The following SIRPB1 variants were observed in gnomAD, a reference collection of about 807,000 sequenced individuals.
SIRPB1 encodes signal regulatory protein beta 1, also known as signal-regulatory protein beta-1.
SIRPB1 carries 28 observed loss-of-function variants against 34.1 expected under a neutral mutation model. The ratio of observed to expected loss-of-function variants is 0.82; its 90% CI spans 0.61 to 1.12. SIRPB1 has a LOEUF of 1.12. Ranked by LOEUF, SIRPB1 falls within the 50% of genes most tolerant of loss-of-function variation. SIRPB1 has a pLI of 0.00. For missense variants in SIRPB1, 499 were observed against 507.0 expected (o/e 0.98, Z 0.15); for synonymous variants, 211 against 203.8 (o/e 1.04, Z -0.30).
Position 1,565,143 on chromosome 20 carries a change from A to G in SIRPB1, c.*357T>C, listed in dbSNP as rs1310778210. 1.3e-5 allele frequency: 5 copies of G among 398,222 alleles called. No individual in the cohort carries two copies. Among genetic ancestry groups the G allele is most frequent in the Non-Finnish European group, 2.2e-5 (5 of 226,244 alleles). The allele number at this position is 398,222 out of a possible 1,614,324, so 24.7% of individuals were successfully genotyped here. On this transcript the variant is annotated 3_prime_UTR_variant, in exon 6 of 6. Transcript: ENST00000381605. ...GCTGGGGGAGTTGGGGTAGGCAGGA[A>G]TCCAGAAGACAGGATAACTCTTGAG...
chr20:1,578,742 CT>C lies in SIRPB1; in HGVS notation c.77-49del, dbSNP rs765458760. On this transcript the variant is annotated intron_variant, in intron 1 of 5. Coordinates refer to ENST00000381605, the MANE Select transcript of SIRPB1 (RefSeq NM_006065.5). ...CATTTCTTCATCCTTACCTGATTCT[CT>C]GTGTTTCCTCAAGTGTTTATCAATG... is the stretch of plus-strand genomic sequence containing the variant. 2.1e-6 allele frequency: 3 copies of C among 1,434,856 alleles called. 1 individual carries two copies. Among genetic ancestry groups the C allele is most frequent in the East Asian group, 2.2e-5 (1 of 44,618 alleles). 88.9% of individuals were successfully genotyped at this position (1,434,856 alleles called of 1,614,324 possible). A position where few individuals can be genotyped will look rare whatever the true frequency, so the allele number is the denominator to read the frequency against.
rs1267863114 is a variant in SIRPB1 at position 1,592,475 on chromosome 20, C to T, written c.77-13781G>A. Among the ~76,000 whole-genome samples, 2 of 48,786 alleles carry T rather than the reference C, an allele frequency of 4.1e-5. 1 individual carries two copies. Among genetic ancestry groups the T allele is most frequent in the African/African-American group, 2.7e-4 (2 of 7,318 alleles). The allele number at this position is 48,786 out of a possible 152,430, so 32.0% of individuals were successfully genotyped here. On this transcript the variant is annotated intron_variant, in intron 1 of 5. Coordinates refer to ENST00000381605, the MANE Select transcript of SIRPB1 (RefSeq NM_006065.5). ...AATTACAAGCATGAGCCATTGCGCC[C>T]GGCCTCAGGTAGTTCTTTATAGTAG...
At chr20:1,567,699 G>C (rs981135466) in intron 4 of SIRPB1, among the ~76,000 whole-genome samples, 1 of 152,222 alleles carries the variant, frequency 6.6e-6, no homozygotes, top group Non-Finnish European at 1.5e-5. Flanking sequence ...ACTAAACTGG[G>C]ATAGTGTTAC....
At position 1,565,049 on chromosome 20, in the gene SIRPB1, A is replaced by G; in HGVS notation, c.*451T>C. The G allele has an allele frequency of 5.0e-6, 2 of 398,538 alleles. No homozygotes were observed. The highest frequency in any genetic ancestry group is 4.4e-6 in the Non-Finnish European group (1 of 226,066). The allele number at this position is 398,538 out of a possible 1,614,324, so 24.7% of individuals were successfully genotyped here. On this transcript the variant is annotated 3_prime_UTR_variant, in exon 6 of 6. Transcript: ENST00000381605. ...GATGCTTGGACAAAGAGGAAAGAGAATCATTTTTTTCTTAAAATTGGTATA... is the reference window on the plus strand; with the variant it reads ...GATGCTTGGACAAAGAGGAAAGAGAGTCATTTTTTTCTTAAAATTGGTATA...
Position 1,571,052 on chromosome 20 carries a change from G to A in SIRPB1, c.837C>T (p.Pro279=), listed in dbSNP as rs766310217. 1.2e-6 allele frequency: 2 copies of A among 1,614,098 alleles called. No individual in the cohort carries two copies. The highest frequency in any genetic ancestry group is 1.7e-6 in the Non-Finnish European group (2 of 1,180,032). ...NVTCQVSNFY[P]RGLQLTWLEN... is the part of the protein sequence containing the mutation. The stretch of plus-strand genomic sequence containing the variant: ...CCAACCAGGTCAGCTGTAGTCCCCG[G>A]GGGTAGAAATTGCTCACCTGGCAGG... The change falls in exon 4 of 6, where the codon CCC becomes CCT. Residue 279 remains proline, a synonymous_variant. Coordinates refer to ENST00000381605, the MANE Select transcript of SIRPB1 (RefSeq NM_006065.5).
At chr20:1,611,567 G>T in intron 1 of SIRPB1, 2 of 1,080,418 alleles carry the variant, frequency 1.9e-6, no homozygotes, top group Non-Finnish European at 2.5e-6. Context: ...ATTAATTCCC[G>T]GCCTGGTCCA....
rs1289328088 is a variant in SIRPB1 at position 1,594,860 on chromosome 20, CTATTAT to C, written c.77-16172_77-16167del. Among the ~76,000 whole-genome samples, 2 of 49,040 alleles carry C rather than the reference CTATTAT, an allele frequency of 4.1e-5. 1 individual carries two copies. Among genetic ancestry groups the C allele is most frequent in the Non-Finnish European group, 7.9e-5 (2 of 25,440 alleles). 32.2% of individuals were successfully genotyped at this position (49,040 alleles called of 152,430 possible). A position where few individuals can be genotyped will look rare whatever the true frequency, so the allele number is the denominator to read the frequency against. On this transcript the variant is annotated intron_variant, in intron 1 of 5. Transcript: ENST00000381605. ...CCTCAAACCTAGATATTCAGTTTTA[CTATTAT>C]TATTATACATATTAGCTAGACATTA...
intron 1 of SIRPB1, among the ~76,000 whole-genome samples, chr20:1,580,198 A>T (rs1234922618): frequency 4.1e-5 from 6 of 147,954 alleles, no homozygotes; most frequent in Non-Finnish European, 7.6e-5. Context: ...TGCCTTTCCA[A>T]ATTCTAGAGG....
chr20:1,617,277 A>G (rs114055610), intron 1 of SIRPB1, among the ~76,000 whole-genome samples: 240 of 152,316 alleles, frequency 1.6e-3, no homozygotes, highest in African/African-American at 5.4e-3. Context: ...TAGCCAGGAT[A>G]TTAAATTAAC....
rs902854887 is a variant in SIRPB1 at position 1,565,047 on chromosome 20, G to A, written c.*453C>T. On this transcript the variant is annotated 3_prime_UTR_variant, in exon 6 of 6. Transcript: ENST00000381605. ...AGGATGCTTGGACAAAGAGGAAAGA[G>A]AATCATTTTTTTCTTAAAATTGGTA... The A allele has an allele frequency of 2.5e-6, 1 of 398,440 alleles. No individual in the cohort carries two copies. Among genetic ancestry groups the A allele is most frequent in the African/African-American group, 2.1e-5 (1 of 48,586 alleles). The allele number at this position is 398,440 out of a possible 1,614,324, so 24.7% of individuals were successfully genotyped here.
rs1286913733 is a variant in SIRPB1, at chr20:1,610,396, T to A, written c.76+9473A>T. Among the ~76,000 whole-genome samples, 2 of 72,590 alleles carry A rather than the reference T, an allele frequency of 2.8e-5. 1 individual carries two copies. The highest frequency in any genetic ancestry group is 1.7e-4 in the African/African-American group (2 of 11,472). The allele number at this position is 72,590 out of a possible 152,430, so 47.6% of individuals were successfully genotyped here. ...CCTGTGACCATGGACAAGGCCCCTGTCATGTCTTGGCTTCAGTCTCCCATC... is the reference window on the plus strand; with the variant it reads ...CCTGTGACCATGGACAAGGCCCCTGACATGTCTTGGCTTCAGTCTCCCATC... On this transcript the variant is annotated intron_variant, in intron 1 of 5. Coordinates refer to ENST00000381605, the MANE Select transcript of SIRPB1 (RefSeq NM_006065.5).
At position 1,611,580 on chromosome 20, in the gene SIRPB1, T is replaced by C. The variant is rs754088422; in HGVS notation, c.76+8289A>G. 8 of 1,167,746 alleles carry C rather than the reference T, an allele frequency of 6.9e-6. 2 individuals are homozygous for C. Among genetic ancestry groups the C allele is most frequent in the Non-Finnish European group, 8.1e-6 (7 of 860,706 alleles). The allele number at this position is 1,167,746 out of a possible 1,614,324, so 72.3% of individuals were successfully genotyped here. Reference sequence around the variant, plus strand: ...AGATTAATTCCCGGCCTGGTCCAGCTCCTCTGAACCACTGGATGGGCCCCA... The same window carrying C: ...AGATTAATTCCCGGCCTGGTCCAGCCCCTCTGAACCACTGGATGGGCCCCA... On this transcript the variant is annotated intron_variant, in intron 1 of 5. Transcript: ENST00000381605.
chr20:1,614,169 G>A (rs1345036835), intron 1 of SIRPB1, among the ~76,000 whole-genome samples: 1 of 152,144 alleles, frequency 6.6e-6, no homozygotes, highest in Non-Finnish European at 1.5e-5. Context: ...AAATACAAGG[G>A]AGAAATTACG....
At chr20:1,572,458 A>C (rs1306670875) in intron 2 of SIRPB1, among the ~76,000 whole-genome samples, 1 of 151,336 alleles carries the variant, frequency 6.6e-6, no homozygotes, top group Non-Finnish European at 1.5e-5. Context: ...CACCACCGTG[A>C]GAGCTGCAAC....
At chr20:1,614,196 A>T (rs577777649) in intron 1 of SIRPB1, among the ~76,000 whole-genome samples, 17 of 152,248 alleles carry the variant, frequency 1.1e-4, no homozygotes, top group Non-Finnish European at 2.5e-4. Context: ...TCAGATAAAC[A>T]AAAGCTAACA....
rs1386329923 is a variant in SIRPB1 at position 1,597,444 on chromosome 20, T to C, written c.77-18750A>G. On this transcript the variant is annotated intron_variant, in intron 1 of 5. Coordinates refer to ENST00000381605, the MANE Select transcript of SIRPB1 (RefSeq NM_006065.5). Reference sequence around the variant, plus strand: ...GGCCTCAGAGTGCTTCTGCTCACAGTGGACAGTGAAGTGGAGTTGGCATAA... The same window carrying C: ...GGCCTCAGAGTGCTTCTGCTCACAGCGGACAGTGAAGTGGAGTTGGCATAA... 2 of 48,650 alleles carry C rather than the reference T, an allele frequency of 4.1e-5. 1 individual carries two copies. Among genetic ancestry groups the C allele is most frequent in the Non-Finnish European group, 7.9e-5 (2 of 25,300 alleles). The allele number at this position is 48,650 out of a possible 1,614,324, so 3.0% of individuals were successfully genotyped here.
chr20:1,570,886 C>T lies in SIRPB1; in HGVS notation c.1003G>A (p.Asp335Asn). Reference protein sequence around the residue: ...DVVLTCQVEHDGQQAVSKSYA... With the variant: ...DVVLTCQVEHNGQQAVSKSYA... ...CTTTTGCTGACTGCTTGCTGCCCAT[C>T]ATGCTCCACCTGACAGGTGAGCACC... is the stretch of plus-strand genomic sequence containing the variant. The change falls in exon 4 of 6, where the codon GAT (aspartate) becomes AAT (asparagine). Residue 335 changes from aspartate to asparagine, a missense_variant. Transcript: ENST00000381605. 6.2e-7 allele frequency: 1 copy of T among 1,614,234 alleles called. No homozygotes were observed. The highest frequency in any genetic ancestry group is 8.5e-7 in the Non-Finnish European group (1 of 1,180,038).
chr20:1,615,990 A>G (rs187435548), intron 1 of SIRPB1, among the ~76,000 whole-genome samples: 94 of 152,340 alleles, frequency 6.2e-4, no homozygotes, highest in African/African-American at 2.1e-3. Context: ...CAAAAAAGCT[A>G]AAATAGCTAG....
intron 1 of SIRPB1, among the ~76,000 whole-genome samples, chr20:1,580,446 G>A (rs2091386604): frequency 7.8e-6 from 1 of 128,890 alleles, no homozygotes; most frequent in Admixed American, 7.6e-5. Flanking sequence ...AAGAACTAAA[G>A]GAATATAAAT....
Sources: allele counts gnomAD v4.1 joint callset (sites outside exome capture counted in the v4.1 genomes callset), GRCh38; gene constraint gnomAD v4.1.1; transcripts MANE v1.5; gene names NCBI Gene and HGNC (gene_info 2026-07-23, HGNC 2026-07-21).